The following UBASH3A variants were observed in gnomAD, a reference collection of about 807,000 sequenced individuals.
UBASH3A encodes ubiquitin associated and SH3 domain containing A.
UBASH3A carries 63 observed loss-of-function variants against 73.5 expected under a neutral mutation model. The observed-to-expected ratio is 0.86, with a 90% confidence interval of 0.70 to 1.06. The LOEUF is 1.06. Ranked by LOEUF, UBASH3A falls within the 50% of genes least tolerant of loss-of-function variation. The pLI is 0.00. For missense variants in UBASH3A, 860 were observed against 859.0 expected, an observed-to-expected ratio of 1.00 and a Z score of -0.02; for synonymous variants, 363 against 351.1, an observed-to-expected ratio of 1.03 and a Z score of -0.38.
At chr21:42,407,656 A>G (rs9978717) in intron 2 of UBASH3A, among the ~76,000 whole-genome samples, 74,934 of 152,058 alleles carry the variant, frequency 0.49, 18,764 homozygotes, top group African/African-American at 0.52. Flanking sequence ...TGAGGGAAGC[A>G]GGGCCTCACA....
At chr21:42,436,938 A>T (rs2053635928) in intron 10 of UBASH3A, among the ~76,000 whole-genome samples, 1 of 152,228 alleles carries the variant, frequency 6.6e-6, no homozygotes, top group African/African-American at 2.4e-5. Flanking sequence ...AAGGTCTTAA[A>T]GCCTGAAGTC....
chr21:42,413,521 A>C lies in UBASH3A; in HGVS notation c.665A>C (p.Lys222Thr). Residue 222 changes from lysine (K) to threonine (T), a missense_variant and splice_region_variant, in exon 5 of 15, where the codon AAA becomes ACA. Coordinates refer to ENST00000319294, the MANE Select transcript of UBASH3A (RefSeq NM_018961.4). The surrounding 1 kb of genome is among the most constrained non-coding windows in gnomAD (Gnocchi z 4.5). ...TTCGTGAGCCACTACATCCTTCAAAAATGTAAGCCATTAGAAAGCTTCCGG... is the reference window on the plus strand; with the variant it reads ...TTCGTGAGCCACTACATCCTTCAAACATGTAAGCCATTAGAAAGCTTCCGG... ...ASFVSHYILQKYCSVKPCTKQ... is the reference protein window; with the variant it reads ...ASFVSHYILQTYCSVKPCTKQ... The C allele has an allele frequency of 6.2e-7, 1 of 1,610,996 alleles. No homozygotes were observed. Among genetic ancestry groups the C allele is most frequent in the Non-Finnish European group, 8.5e-7 (1 of 1,177,426 alleles).
intron 10 of UBASH3A, chr21:42,435,585 T>C (rs920654096): frequency 6.6e-6 from 1 of 152,340 alleles, no homozygotes; most frequent in Admixed American, 6.5e-5. Flanking sequence ...GAGTTAGTTA[T>C]AGAGTTATAG....
At chr21:42,439,098 A>G (rs2053682450) in intron 11 of UBASH3A, among the ~76,000 whole-genome samples, 1 of 152,102 alleles carries the variant, frequency 6.6e-6, no homozygotes, top group East Asian at 1.9e-4. Flanking sequence ...CTTCAAATCC[A>G]GGTGCCCAGG....
intron 11 of UBASH3A, among the ~76,000 whole-genome samples, chr21:42,439,514 C>T (rs1164254209): frequency 1.3e-5 from 2 of 152,160 alleles, no homozygotes; most frequent in African/African-American, 4.8e-5. Flanking sequence ...GACCAAACCA[C>T]GAAAGGACTC....
intron 13 of UBASH3A, among the ~76,000 whole-genome samples, chr21:42,443,893 C>T (rs2053798073): frequency 1.3e-5 from 2 of 152,148 alleles, no homozygotes; most frequent in African/African-American, 2.4e-5. Flanking sequence ...ACACAATCCA[C>T]CCATGTCCAA....
At chr21:42,442,621 C>T (rs775250914) in intron 12 of UBASH3A, 25 bp downstream of exon 12, 68 of 1,578,468 alleles carry the variant, frequency 4.3e-5, no homozygotes, top group Non-Finnish European at 5.8e-5. Flanking sequence ...AGTTCTCTGC[C>T]ACTGGGGCTT....
At chr21:42,423,291 G>C (rs2053373804) in intron 7 of UBASH3A, among the ~76,000 whole-genome samples, 1 of 152,246 alleles carries the variant, frequency 6.6e-6, no homozygotes, top group South Asian at 2.1e-4. Context: ...CGTGGGTCCA[G>C]GGGCCACATC....
At chr21:42,405,824 G>A (rs375889615) in intron 1 of UBASH3A, among the ~76,000 whole-genome samples, 36 of 152,250 alleles carry the variant, frequency 2.4e-4, no homozygotes, top group South Asian at 6.2e-4. Flanking sequence ...TGTGTAAGCC[G>A]TAACAAGTGC....
intron 7 of UBASH3A, among the ~76,000 whole-genome samples, chr21:42,422,332 A>C (rs781531877): frequency 9.9e-5 from 15 of 152,230 alleles, no homozygotes; most frequent in Non-Finnish European, 1.8e-4. Flanking sequence ...AGCTTAAGAG[A>C]TGTCCAATAG....
At position 42,418,522 on chromosome 21, in the gene UBASH3A, G is replaced by T. The variant is rs867130567; in HGVS notation, c.959G>T (p.Gly320Val). The T allele has an allele frequency of 5.6e-6, 9 of 1,614,086 alleles. No individual in the cohort carries two copies. The Admixed American group carries it at 1.5e-4, about 27-fold the overall frequency. Residue 320 changes from glycine (G) to valine (V), a missense_variant, in exon 7 of 15, where the codon GGG (glycine) becomes GTG (valine). By Grantham distance (109) the Gly-to-Val change is moderately radical. Transcript: ENST00000319294. ...QDEASEGWVI[G>V]ISQRTGCRGF... ...GAAGCCAGCGAGGGCTGGGTGATTG[G>T]GATCTCACAGCGGACGGGCTGCCGG... is the stretch of plus-strand genomic sequence containing the variant.
At chr21:42,412,841 A>G (rs1489662835) in intron 3 of UBASH3A, among the ~76,000 whole-genome samples, 183 bp from the exon 4 acceptor site, 5 of 152,184 alleles carry the variant, frequency 3.3e-5, no homozygotes, top group African/African-American at 1.2e-4. Context: ...ATTTGAAAAA[A>G]CCGAGGTCCA....
chr21:42,416,389 A>C, intron 5 of UBASH3A, 53 bp from the exon 6 acceptor site: 1 of 1,491,878 alleles, frequency 6.7e-7, no homozygotes, highest in Non-Finnish European at 8.9e-7. Context: ...CGGAGGAAGG[A>C]GACATTTAGG....
intron 8 of UBASH3A, among the ~76,000 whole-genome samples, chr21:42,431,178 T>A (rs918272356): frequency 1.3e-5 from 2 of 152,100 alleles, no homozygotes; most frequent in African/African-American, 2.4e-5. Context: ...GGCCAGTCCC[T>A]CAACTTGATC....
At chr21:42,420,310 A>G (rs1324779374) in intron 7 of UBASH3A, among the ~76,000 whole-genome samples, 3 of 151,802 alleles carry the variant, frequency 2.0e-5, no homozygotes, top group Non-Finnish European at 4.4e-5. Context: ...TATGTAATAC[A>G]GTATAAATAC....
At position 42,413,354 on chromosome 21, in the gene UBASH3A, G is replaced by T. The variant is rs1355776777; in HGVS notation, c.554-56G>T. On this transcript the variant is annotated intron_variant, in intron 4 of 14. Transcript: ENST00000319294. The surrounding 1 kb of genome is among the most constrained non-coding windows in gnomAD (Gnocchi z 4.5). Reference sequence around the variant, plus strand: ...GGGAGCAGAGCCCAGCAGCAATGGTGGGATGGCTGGGTGGGCTTTCTTCCG... The same window carrying T: ...GGGAGCAGAGCCCAGCAGCAATGGTTGGATGGCTGGGTGGGCTTTCTTCCG... 3 of 1,543,662 alleles carry T rather than the reference G, an allele frequency of 1.9e-6. No individual in the cohort carries two copies. The highest frequency in any genetic ancestry group is 2.7e-6 in the Non-Finnish European group (3 of 1,123,888).
intron 5 of UBASH3A, among the ~76,000 whole-genome samples, chr21:42,415,771 C>A (rs1283630948): frequency 6.6e-6 from 1 of 152,208 alleles, no homozygotes; most frequent in African/African-American, 2.4e-5. Context: ...CTAGGTCTAT[C>A]TGACACCAAA....
chr21:42,438,525 C>G (rs1293942487), intron 11 of UBASH3A, among the ~76,000 whole-genome samples: 1 of 152,074 alleles, frequency 6.6e-6, no homozygotes, highest in Non-Finnish European at 1.5e-5. Flanking sequence ...GCTAGGGGGT[C>G]TCTTCCAGCT....
Position 42,435,039 on chromosome 21 carries a change from C to A in UBASH3A, c.1393+85C>A, listed in dbSNP as rs370847973. ...AGCAGGCATCCAGCCTGAGCCCTAGCTACACACCCTTTGATACAGTGTTAG... is the reference window on the plus strand; with the variant it reads ...AGCAGGCATCCAGCCTGAGCCCTAGATACACACCCTTTGATACAGTGTTAG... On this transcript the variant is annotated intron_variant, in intron 10 of 14. Coordinates refer to ENST00000319294, the MANE Select transcript of UBASH3A (RefSeq NM_018961.4). The A allele has an allele frequency of 1.2e-5, 18 of 1,514,962 alleles. No homozygotes were observed. The African/African-American group carries it at 2.5e-4, about 21-fold the overall frequency. 93.8% of individuals were successfully genotyped at this position (1,514,962 alleles called of 1,614,324 possible).
Sources: allele counts gnomAD v4.1 joint callset (sites outside exome capture counted in the v4.1 genomes callset), GRCh38; gene constraint gnomAD v4.1.1; non-coding constraint Gnocchi (gnomAD v3.1); transcripts MANE v1.5; gene names NCBI Gene and HGNC (gene_info 2026-07-23, HGNC 2026-07-21).